IDH3B: variants seen among roughly 807,000 people sequenced by gnomAD.
IDH3B encodes the protein isocitrate dehydrogenase (NAD(+)) 3 non-catalytic subunit beta.
Under a neutral mutation model 47.5 loss-of-function variants are expected in IDH3B, and 40 were observed. The ratio of observed to expected loss-of-function variants is 0.84; its 90% confidence interval spans 0.65 to 1.10. The LOEUF is 1.10. Ranked by LOEUF, IDH3B falls within the 50% of genes least tolerant of loss-of-function variation. IDH3B has a pLI of 0.00. For synonymous variants in IDH3B, 185 were observed against 191.0 expected (o/e 0.97, Z 0.26); for missense variants, 450 against 505.2 (o/e 0.89, Z 1.05).
At chr20:2,658,973 G>GAGGAGCCAGGATGGGA in intron 11 of IDH3B, 136 bp from the exon 12 acceptor site, 1 of 1,374,056 alleles carries the variant, frequency 7.3e-7, no homozygotes, top group Non-Finnish European at 9.4e-7. Flanking sequence ...GGAATGGAAG[G>GAGGAGCCAGGATGGGA]AGGAGCCAGG....
chr20:2,663,402 G>C, intron 4 of IDH3B, 44 bp downstream of exon 4: 2 of 1,610,730 alleles, frequency 1.2e-6, no homozygotes, highest in Non-Finnish European at 1.7e-6. Flanking sequence ...TTGGTCATTT[G>C]ATTTTAAATG....
In IDH3B at chr20:2,660,465, G is replaced by C; in HGVS notation, c.657C>G (p.Ala219=). Residue 219 remains alanine (A), a synonymous_variant, in exon 7 of 12, where the codon GCC becomes GCG. Transcript: ENST00000380843. This position sits in a 1 kb window ranked among gnomAD's most constrained non-coding sequence, Gnocchi z 5.6. ...AAAGCCATGCCCCTCACATGATGTT[G>C]GCCTTGTGGACAGCAGTGACCTTGC... ...GRGKVTAVHK[A]NIMKLGDGLF... 6.2e-7 allele frequency: 1 copy of C among 1,614,032 alleles called. No individual in the cohort carries two copies. The highest frequency in any genetic ancestry group is 8.5e-7 in the Non-Finnish European group (1 of 1,180,010).
intron 4 of IDH3B, among the ~76,000 whole-genome samples, chr20:2,662,235 C>G (rs904753424): frequency 6.6e-6 from 1 of 152,100 alleles, no homozygotes; most frequent in Admixed American, 6.5e-5. Flanking sequence ...GAGAAGGACT[C>G]TAACAGGTAG....
chr20:2,660,892 C>G lies in IDH3B; in HGVS notation c.398+17G>C. The G allele has an allele frequency of 6.2e-7, 1 of 1,614,164 alleles. No individual in the cohort carries two copies. The highest frequency in any genetic ancestry group is 8.5e-7 in the Non-Finnish European group (1 of 1,180,030). On this transcript the variant is annotated intron_variant, in intron 5 of 11. Transcript: ENST00000380843. This position sits in a 1 kb window ranked among gnomAD's most constrained non-coding sequence, Gnocchi z 5.6. ...CCCTGGCACCTCTCAACCATTCACC[C>G]CACCCAGACCACCTACCTCAGCCGC... is the stretch of plus-strand genomic sequence containing the variant.
chr20:2,662,385 T>C (rs2086963420), intron 4 of IDH3B, among the ~76,000 whole-genome samples: 1 of 152,166 alleles, frequency 6.6e-6, no homozygotes, highest in African/African-American at 2.4e-5. Context: ...GGCCAACTTA[T>C]AAAGTACTGA....
chr20:2,662,042 C>T (rs2086957618), intron 4 of IDH3B, among the ~76,000 whole-genome samples: 1 of 152,124 alleles, frequency 6.6e-6, no homozygotes, highest in African/African-American at 2.4e-5. Flanking sequence ...CAGCAAGAGC[C>T]ACCAGAAGAG....
Position 2,663,962 on chromosome 20 carries a change from C to G in IDH3B, c.80G>C (p.Ser27Thr). The change falls in exon 2 of 12, where the codon AGT becomes ACT. Residue 27 changes from serine to threonine, a missense_variant. Ser to Thr is a moderately conservative substitution (Grantham distance 58). Transcript: ENST00000380843. ...AGNPGAWRGL[S>T]TSAAAHAASR... Reference sequence around the variant, plus strand: ...TGCAGCGTGCGCCGCGGCCGAGGTACTCAGACCTCTCCATGCCCCAGGGTT... The same window carrying G: ...TGCAGCGTGCGCCGCGGCCGAGGTAGTCAGACCTCTCCATGCCCCAGGGTT... The G allele has an allele frequency of 6.2e-7, 1 of 1,614,188 alleles. No individual in the cohort carries two copies. The highest frequency in any genetic ancestry group is 8.5e-7 in the Non-Finnish European group (1 of 1,180,026).
chr20:2,658,559 G>A lies in IDH3B; in HGVS notation c.*192C>T, dbSNP rs971405639. 6.2e-7 allele frequency: 1 copy of A among 1,612,938 alleles called. No individual in the cohort carries two copies. Among genetic ancestry groups the A allele is most frequent in the Non-Finnish European group, 8.5e-7 (1 of 1,179,470 alleles). ...AATCATCATCATCCATGTGGCCTGG[G>A]CTCCATCCTAACAATCCCCATCACC... On this transcript the variant is annotated 3_prime_UTR_variant, in exon 12 of 12. Coordinates refer to ENST00000380843, the MANE Select transcript of IDH3B (RefSeq NM_006899.5).
Position 2,663,736 on chromosome 20 carries a change from C to A in IDH3B, c.140G>T (p.Gly47Val), listed in dbSNP as rs1351041781. ...CGGAAGCATGGTCACGGGAAAGGAGCCCTCCACCCTCACGTCCTCGGCCTC... is the reference window on the plus strand; with the variant it reads ...CGGAAGCATGGTCACGGGAAAGGAGACCTCCACCCTCACGTCCTCGGCCTC... ...RSQAEDVRVE[G>V]SFPVTMLPGD... The change falls in exon 3 of 12, where the codon GGC (glycine) becomes GTC (valine). Residue 47 changes from glycine to valine, a missense_variant. Gly to Val is a moderately radical substitution (Grantham distance 109). Coordinates refer to ENST00000380843, the MANE Select transcript of IDH3B (RefSeq NM_006899.5). The A allele has an allele frequency of 1.2e-6, 2 of 1,614,162 alleles. No homozygotes were observed. Among genetic ancestry groups the A allele is most frequent in the Non-Finnish European group, 1.7e-6 (2 of 1,180,024 alleles).
At chr20:2,659,321 C>CA (rs1249050039) in intron 11 of IDH3B, 26 of 1,535,644 alleles carry the variant, frequency 1.7e-5, no homozygotes, top group Non-Finnish European at 2.3e-5. Flanking sequence ...ATCTAAGAGG[C>CA]AAAAGAGATC....
intron 4 of IDH3B, among the ~76,000 whole-genome samples, chr20:2,662,552 C>G (rs1397200434): frequency 6.6e-6 from 1 of 151,986 alleles, no homozygotes; most frequent in Non-Finnish European, 1.5e-5. Context: ...GGCACGGTGG[C>G]TCACGCCTAT....
At chr20:2,661,198 T>C (rs77697753) in intron 4 of IDH3B, among the ~76,000 whole-genome samples, 9 of 152,012 alleles carry the variant, frequency 5.9e-5, no homozygotes, top group African/African-American at 2.2e-4. Context: ...TGTGTGTGTG[T>C]GTGTGCGTGT....
chr20:2,658,789 T>C lies in IDH3B; in HGVS notation c.1120A>G (p.Lys374Glu). 1.9e-6 allele frequency: 3 copies of C among 1,613,722 alleles called. No individual in the cohort carries two copies. The highest frequency in any genetic ancestry group is 2.5e-6 in the Non-Finnish European group (3 of 1,179,832). The part of the protein sequence containing the change: ...GGYSTTTDFI[K>E]SVIGHLQTKG... ...GTCTGCAGGTGACCGATGACAGACT[T>C]GATGAAGTCGGTTGTGGTGCTGTAG... Residue 374 changes from lysine to glutamate, a missense_variant, in exon 12 of 12, where the codon AAG (lysine) becomes GAG (glutamate). Transcript: ENST00000380843.
intron 11 of IDH3B, 86 bp from the exon 12 acceptor site, chr20:2,658,923 AGCCAAG>A: frequency 2.5e-6 from 4 of 1,594,054 alleles, no homozygotes; most frequent in Non-Finnish European, 3.4e-6. Flanking sequence ...AGGAAATGGA[AGCCAAG>A]AATGCGTGAC....
At chr20:2,659,153 T>C (rs1568546740) in intron 11 of IDH3B, 4 of 1,433,892 alleles carry the variant, frequency 2.8e-6, no homozygotes, top group Non-Finnish European at 3.6e-6. Context: ...AAGGAAAGAA[T>C]CACAGCGAAA....
chr20:2,664,095 C>G, intron 1 of IDH3B, 58 bp downstream of exon 1: 2 of 1,607,848 alleles, frequency 1.2e-6, no homozygotes, highest in East Asian at 2.2e-5. Context: ...TTAGGAAACC[C>G]TAGGACAAAC....
At chr20:2,659,617 C>A in intron 10 of IDH3B, 32 bp from the exon 11 acceptor site, 1 of 1,611,828 alleles carries the variant, frequency 6.2e-7, no homozygotes, top group Non-Finnish European at 8.5e-7. Context: ...AACTGTGACT[C>A]CCCCAAGACA....
chr20:2,661,232 T>C (rs543492471), intron 4 of IDH3B, among the ~76,000 whole-genome samples: 33 of 151,360 alleles, frequency 2.2e-4, no homozygotes, highest in African/African-American at 8.0e-4. Context: ...GGTCTCACTC[T>C]GTCGCCCAGG....
chr20:2,658,396 T>C lies in IDH3B; in HGVS notation c.*355A>G. 1 of 1,612,800 alleles carries C rather than the reference T, an allele frequency of 6.2e-7. No individual in the cohort carries two copies. Among genetic ancestry groups the C allele is most frequent in the African/African-American group, 1.3e-5 (1 of 75,048 alleles). On this transcript the variant is annotated 3_prime_UTR_variant, in exon 12 of 12. Coordinates refer to ENST00000380843, the MANE Select transcript of IDH3B (RefSeq NM_006899.5). ...CCAATAAAAACAAATTCACAAGAGT[T>C]GGTTCATGTTCTTTATTGAACACCT...
Sources: gnomAD v4.1 joint callset for allele counts (sites outside exome capture counted in the v4.1 genomes callset) on GRCh38, gnomAD v4.1.1 for gene constraint, Gnocchi (gnomAD v3.1) non-coding constraint, MANE v1.5 for transcripts, NCBI Gene and HGNC (gene_info 2026-07-23, HGNC 2026-07-21) for gene names.